The following ZFAND3 variants were observed in gnomAD, a reference collection of about 807,000 sequenced individuals.
ZFAND3 encodes AN1-type zinc finger protein 3.
Under a neutral mutation model 29.6 loss-of-function variants are expected in ZFAND3, and 10 were observed. The ratio of observed to expected loss-of-function variants is 0.34; its 90% CI spans 0.21 to 0.57. The LOEUF is 0.57. ZFAND3 is among the 20% of genes least tolerant of loss of function. The pLI is 0.86. For synonymous variants in ZFAND3, 128 were observed against 112.6 expected, an observed-to-expected ratio of 1.14 and a Z score of -0.87; for missense variants, 230 against 304.5, an observed-to-expected ratio of 0.76 and a Z score of 1.82.
At chr6:37,996,861 A>G (rs1281339933) in intron 2 of ZFAND3, among the ~76,000 whole-genome samples, 1 of 152,130 alleles carries the variant, frequency 6.6e-6, no homozygotes, top group Non-Finnish European at 1.5e-5. Flanking sequence ...ATATTATACC[A>G]TTGACCTAAT....
At chr6:37,913,708 C>CTTTTTTTTTTTTTTTTTTTTTTTTTTTT (rs56045448) in intron 1 of ZFAND3, among the ~76,000 whole-genome samples, 5 of 113,042 alleles carry the variant, frequency 4.4e-5, no homozygotes, top group Admixed American at 1.9e-4. Flanking sequence ...CAGCTATATT[C>CTTTTTTTTTTTTTTTTTTTTTTTTTTTT]TTTTTTTTTT....
intron 2 of ZFAND3, among the ~76,000 whole-genome samples, chr6:38,018,251 A>G (rs60624986): frequency 6.6e-6 from 1 of 152,232 alleles, no homozygotes; most frequent in Non-Finnish European, 1.5e-5. Flanking sequence ...TTCTCATATT[A>G]ATAAATGAAG....
In ZFAND3 at chr6:37,992,862, C is replaced by T. The variant is rs575797426; in HGVS notation, c.112+62863C>T. 1.4e-4 allele frequency among the ~76,000 whole-genome samples: 21 copies of T among 152,074 alleles called. No individual in the cohort carries two copies. In the South Asian group the frequency reaches 4.4e-3, roughly 32 times the overall value. On this transcript the variant is annotated intron_variant, in intron 2 of 5. Coordinates refer to ENST00000287218, the MANE Select transcript of ZFAND3 (RefSeq NM_021943.3). ...GTCATTTTTTTTTGAAGAGTCTAAG[C>T]CTTGATCAAAGTCTGTTTTATACAG...
chr6:38,144,209 AT>A (rs1562016054), intron 5 of ZFAND3, among the ~76,000 whole-genome samples: 2 of 42,752 alleles, frequency 4.7e-5, no homozygotes, highest in African/African-American at 2.8e-4. Flanking sequence ...ATATATATAT[AT>A]AATATATAAT....
At chr6:37,923,122 C>G (rs1761415610) in intron 1 of ZFAND3, among the ~76,000 whole-genome samples, 1 of 152,094 alleles carries the variant, frequency 6.6e-6, no homozygotes, top group South Asian at 2.1e-4. Context: ...TATAAGTTTT[C>G]TTTATTGATT....
At chr6:37,921,246 TC>T (rs776758945) in intron 1 of ZFAND3, among the ~76,000 whole-genome samples, 2 of 152,178 alleles carry the variant, frequency 1.3e-5, no homozygotes, top group Non-Finnish European at 2.9e-5. Flanking sequence ...ACAGATTGAC[TC>T]CCTTCACTGA....
At chr6:38,151,050 G>A (rs1168705983) in intron 5 of ZFAND3, among the ~76,000 whole-genome samples, 1 of 152,198 alleles carries the variant, frequency 6.6e-6, no homozygotes, top group East Asian at 1.9e-4. Flanking sequence ...TTTGAAAGAG[G>A]CGGCCAGCAG....
chr6:38,035,778 G>A (rs1238831173), intron 2 of ZFAND3, among the ~76,000 whole-genome samples: 1 of 152,112 alleles, frequency 6.6e-6, no homozygotes, highest in Admixed American at 6.6e-5. Context: ...GTTTAGGGTG[G>A]GAATTTCTAG....
rs1763853398 is a variant in ZFAND3, at chr6:38,044,238, A to G, written c.113-17355A>G. Among the ~76,000 whole-genome samples, 6 of 152,130 alleles carry G rather than the reference A, an allele frequency of 3.9e-5. No individual in the cohort carries two copies. The South Asian group carries it at 1.2e-3, about 32-fold the overall frequency. On this transcript the variant is annotated intron_variant, in intron 2 of 5. Coordinates refer to ENST00000287218, the MANE Select transcript of ZFAND3 (RefSeq NM_021943.3). ...ACTGACCCTTTTCACACTTTTCCTTACACCCATAGCAGTACACTAATTACT... is the reference window on the plus strand; with the variant it reads ...ACTGACCCTTTTCACACTTTTCCTTGCACCCATAGCAGTACACTAATTACT...
chr6:38,142,763 C>T (rs1765990282), intron 5 of ZFAND3, among the ~76,000 whole-genome samples: 1 of 152,104 alleles, frequency 6.6e-6, no homozygotes, highest in African/African-American at 2.4e-5. Flanking sequence ...TAAAGACTGC[C>T]CCAGGTACCA....
intron 1 of ZFAND3, among the ~76,000 whole-genome samples, chr6:37,918,251 A>G (rs1761301122): frequency 6.6e-6 from 1 of 151,746 alleles, no homozygotes; most frequent in African/African-American, 2.4e-5. Flanking sequence ...AATTTTTTGT[A>G]TTTTTAGTAG....
chr6:38,067,785 A>G (rs1764375790), intron 3 of ZFAND3, among the ~76,000 whole-genome samples: 1 of 152,202 alleles, frequency 6.6e-6, no homozygotes, highest in Admixed American at 6.5e-5. Context: ...GTGCCCTCTT[A>G]GCTCTTTATA....
intron 1 of ZFAND3, among the ~76,000 whole-genome samples, chr6:37,916,016 G>A (rs552847609): frequency 6.6e-5 from 10 of 151,138 alleles, no homozygotes; most frequent in African/African-American, 2.2e-4. Context: ...TGATCCGCCC[G>A]CCTCGGCCTC....
intron 2 of ZFAND3, among the ~76,000 whole-genome samples, chr6:37,991,946 A>G (rs1023130400): frequency 8.5e-5 from 13 of 152,224 alleles, no homozygotes; most frequent in African/African-American, 2.9e-4. Flanking sequence ...TTGAAAATAA[A>G]TATATGAAAT....
intron 1 of ZFAND3, among the ~76,000 whole-genome samples, chr6:37,835,788 A>G (rs971588508): frequency 5.9e-5 from 9 of 151,956 alleles, no homozygotes; most frequent in Admixed American, 3.9e-4. Flanking sequence ...TTCCGGAACC[A>G]CCTCAGTTTT....
At chr6:37,973,880 G>A (rs550070009) in intron 2 of ZFAND3, among the ~76,000 whole-genome samples, 28 of 152,190 alleles carry the variant, frequency 1.8e-4, no homozygotes, top group African/African-American at 5.1e-4. Flanking sequence ...CACCTTTGAC[G>A]AGCAATACAG....
At chr6:37,969,031 A>G (rs1010521622) in intron 2 of ZFAND3, among the ~76,000 whole-genome samples, 1 of 152,224 alleles carries the variant, frequency 6.6e-6, no homozygotes, top group African/African-American at 2.4e-5. Flanking sequence ...CTACACACCT[A>G]GGCTATATGG....
At chr6:37,837,825 A>T (rs1763997447) in intron 1 of ZFAND3, among the ~76,000 whole-genome samples, 3 of 152,236 alleles carry the variant, frequency 2.0e-5, no homozygotes, top group Admixed American at 2.0e-4. Flanking sequence ...TTATTAAAGA[A>T]CAACATATAT....
chr6:38,144,685 A>G (rs1320279064), intron 5 of ZFAND3, among the ~76,000 whole-genome samples: 1 of 152,234 alleles, frequency 6.6e-6, no homozygotes, highest in African/African-American at 2.4e-5. Flanking sequence ...CAAGAAGTGT[A>G]AAACATTTGC....
Sources: gnomAD v4.1 joint callset for allele counts (sites outside exome capture counted in the v4.1 genomes callset) on GRCh38, gnomAD v4.1.1 for gene constraint, MANE v1.5 for transcripts, NCBI Gene and HGNC (gene_info 2026-07-23, HGNC 2026-07-21) for gene names.